The following LIPK variants were observed in gnomAD, a reference collection of about 807,000 sequenced individuals.
The protein encoded by LIPK is lipase family member K.
A neutral mutation model predicts 48.6 loss-of-function variants in LIPK; 32 were observed. That is an observed-to-expected ratio of 0.66 (90% CI 0.50 to 0.88). The LOEUF (loss-of-function observed/expected upper bound fraction) is 0.88. LIPK is among the 40% of genes least tolerant of loss of function. The pLI is 0.00. For synonymous variants in LIPK, 164 were observed against 157.4 expected (o/e 1.04, Z -0.32); for missense variants, 507 against 478.5 (o/e 1.06, Z -0.56).
chr10:88,717,197 T>C (rs1842135795), intron 1 of LIPK, among the ~76,000 whole-genome samples: 1 of 152,190 alleles, frequency 6.6e-6, no homozygotes, highest in African/African-American at 2.4e-5. Context: ...GCTAAATACC[T>C]GGTTGTGAAT....
chr10:88,736,920 A>G (rs1334719967), intron 6 of LIPK, among the ~76,000 whole-genome samples: 3 of 152,234 alleles, frequency 2.0e-5, no homozygotes, highest in African/African-American at 7.2e-5. Flanking sequence ...AGGTGTTTCC[A>G]AAGTTTTAAG....
chr10:88,739,323 G>T lies in LIPK; in HGVS notation c.817-673G>T, dbSNP rs554135852. On this transcript the variant is annotated intron_variant, in intron 7 of 9. Coordinates refer to ENST00000404190, the MANE Select transcript of LIPK (RefSeq NM_001080518.2). ...AATGTCCTTTGGGACTTAACACGGG[G>T]TGAAGGAGAAGATCACTGGGGTTTT... 3.5e-4 allele frequency among the ~76,000 whole-genome samples: 53 copies of T among 152,320 alleles called. 1 individual carries two copies. Among genetic ancestry groups the T allele is most frequent in the African/African-American group, 1.2e-3 (51 of 41,566 alleles).
chr10:88,720,192 G>C (rs1276645818), intron 1 of LIPK, among the ~76,000 whole-genome samples: 3 of 152,178 alleles, frequency 2.0e-5, no homozygotes, highest in Admixed American at 6.5e-5. Context: ...CTGTCATGTA[G>C]AGCATCTGCC....
At chr10:88,723,287 A>ATATATGTATT (rs1161899340) in intron 1 of LIPK, among the ~76,000 whole-genome samples, 3 of 152,190 alleles carry the variant, frequency 2.0e-5, no homozygotes, top group Non-Finnish European at 4.4e-5. Flanking sequence ...TAGTTATAAG[A>ATATATGTATT]GCAGTTATGA....
chr10:88,721,474 C>T (rs543732665), intron 1 of LIPK, among the ~76,000 whole-genome samples: 43 of 152,272 alleles, frequency 2.8e-4, no homozygotes, highest in East Asian at 1.9e-3. Flanking sequence ...CCTCTTGCTG[C>T]GGTGTGTCAT....
intron 6 of LIPK, among the ~76,000 whole-genome samples, chr10:88,733,311 T>G (rs1327069260): frequency 6.6e-6 from 1 of 152,190 alleles, no homozygotes; most frequent in Non-Finnish European, 1.5e-5. Context: ...TTGCATTGCA[T>G]GGGTTGGTGT....
intron 7 of LIPK, 77 bp downstream of exon 7, chr10:88,737,858 G>A (rs967373583): frequency 1.6e-5 from 24 of 1,461,306 alleles, no homozygotes; most frequent in Non-Finnish European, 2.1e-5. Flanking sequence ...TGGATTGTAT[G>A]GCAACTGCAA....
chr10:88,722,117 G>A (rs1842237361), intron 1 of LIPK, among the ~76,000 whole-genome samples: 1 of 152,130 alleles, frequency 6.6e-6, no homozygotes, highest in Non-Finnish European at 1.5e-5. Flanking sequence ...GACCAAAATG[G>A]TGAAACCCCG....
intron 7 of LIPK, among the ~76,000 whole-genome samples, chr10:88,739,501 A>G (rs985782752): frequency 3.9e-5 from 6 of 152,178 alleles, no homozygotes; most frequent in African/African-American, 1.4e-4. Context: ...AAATTCTTCA[A>G]AGATGGGCTT....
At chr10:88,729,896 A>G (rs1842430168) in intron 3 of LIPK, among the ~76,000 whole-genome samples, 1 of 152,194 alleles carries the variant, frequency 6.6e-6, no homozygotes, top group African/African-American at 2.4e-5. Context: ...AAAGCACAGG[A>G]AAAGTCTAGT....
chr10:88,732,269 T>C lies in LIPK; in HGVS notation c.514T>C (p.Ser172Pro), dbSNP rs946512666. The change falls in exon 5 of 10, where the codon TCA (serine) becomes CCA (proline). Residue 172 changes from serine (S) to proline (P), a missense_variant. Transcript: ENST00000404190. Reference protein sequence around the residue: ...GQKRLYYVGHSQGTTIAFIAF... With the variant: ...GQKRLYYVGHPQGTTIAFIAF... ...GAAGCGACTCTACTACGTGGGCCAC[T>C]CACAAGGCACCACCATAGGTGTGTT... 1 of 1,613,530 alleles carries C rather than the reference T, an allele frequency of 6.2e-7. No individual in the cohort carries two copies. The highest frequency in any genetic ancestry group is 1.3e-5 in the African/African-American group (1 of 74,896).
At chr10:88,722,154 G>A (rs1180024951) in intron 1 of LIPK, among the ~76,000 whole-genome samples, 1 of 152,124 alleles carries the variant, frequency 6.6e-6, no homozygotes. Flanking sequence ...AAAAAATTAG[G>A]TGTGGCGGCA....
chr10:88,751,559 A>C (rs408922), intron 9 of LIPK, among the ~76,000 whole-genome samples: 36,166 of 151,866 alleles, frequency 0.24, 4,443 homozygotes, highest in East Asian at 0.36. Flanking sequence ...TAATGTCATC[A>C]TAACAACTAC....
At chr10:88,742,403 C>G (rs990789602) in intron 8 of LIPK, among the ~76,000 whole-genome samples, 1 of 152,038 alleles carries the variant, frequency 6.6e-6, no homozygotes, top group African/African-American at 2.4e-5. Flanking sequence ...AAAATCAGGA[C>G]TAAATTGGTA....
At chr10:88,736,838 A>G (rs1842581565) in intron 6 of LIPK, among the ~76,000 whole-genome samples, 1 of 152,216 alleles carries the variant, frequency 6.6e-6, no homozygotes, top group African/African-American at 2.4e-5. Context: ...GCTAGTTATT[A>G]CTGTTCTTTA....
chr10:88,743,160 A>G, intron 8 of LIPK, 90 bp from the exon 9 acceptor site: 1 of 762,530 alleles, frequency 1.3e-6, no homozygotes, highest in Non-Finnish European at 2.2e-6. Flanking sequence ...ACTGGGGCAT[A>G]ATGTTAATCT....
At chr10:88,731,877 T>C (rs1436679156) in intron 4 of LIPK, among the ~76,000 whole-genome samples, 1 of 152,218 alleles carries the variant, frequency 6.6e-6, no homozygotes, top group East Asian at 1.9e-4. Context: ...TTCCAGGTAA[T>C]TGCTCTTTTC....
At position 88,752,499 on chromosome 10, in the gene LIPK, CTCTT is replaced by C. The variant is rs1368984780; in HGVS notation, c.961-16_961-13del. 3.3e-6 allele frequency: 5 copies of C among 1,518,900 alleles called. No individual in the cohort carries two copies. The allele number at this position is 1,518,900 out of a possible 1,614,324, so 94.1% of individuals were successfully genotyped here. A position where few individuals can be genotyped will look rare whatever the true frequency, so the allele number is the denominator to read the frequency against. On this transcript the variant is annotated splice_polypyrimidine_tract_variant and intron_variant, in intron 9 of 9. Transcript: ENST00000404190. ...ATATTCTGTAAAAACTTTTCTCTCTCTCTTTTATTGTATTTAGCTTACACCTCCT... is the reference window on the plus strand; with the variant it reads ...ATATTCTGTAAAAACTTTTCTCTCTCTTATTGTATTTAGCTTACACCTCCT...
At chr10:88,743,213 T>A in intron 8 of LIPK, 37 bp from the exon 9 acceptor site, 1 of 1,424,280 alleles carries the variant, frequency 7.0e-7, no homozygotes. Flanking sequence ...TGTACACTAT[T>A]TTCTTATATT....
Sources: allele counts gnomAD v4.1 joint callset (sites outside exome capture counted in the v4.1 genomes callset), GRCh38; gene constraint gnomAD v4.1.1; transcripts MANE v1.5; gene names NCBI Gene and HGNC (gene_info 2026-07-23, HGNC 2026-07-21).